The following CDYL variants were observed in gnomAD, a reference collection of about 807,000 sequenced individuals.
CDYL encodes the protein chromodomain Y-like protein.
A neutral mutation model predicts 47.3 loss-of-function variants in CDYL; 8 were observed. The observed-to-expected ratio is 0.17, with a 90% CI of 0.10 to 0.31. The LOEUF (loss-of-function observed/expected upper bound fraction) is 0.31. Among genes scored for constraint, CDYL ranks in the 10% least tolerant of loss-of-function variants. The probability of loss-of-function intolerance (pLI) is 1.00; values close to 1 mark genes in which losing one functional copy is unlikely to be tolerated. For missense variants in CDYL, 471 were observed against 701.4 expected, an observed-to-expected ratio of 0.67 and a Z score of 3.71; for synonymous variants, 266 against 265.0, an observed-to-expected ratio of 1.00 and a Z score of -0.04.
chr6:4,941,620 G>A (rs562729604), intron 4 of CDYL, among the ~76,000 whole-genome samples: 17 of 152,220 alleles, frequency 1.1e-4, no homozygotes, highest in African/African-American at 3.4e-4. Context: ...TCCAAAAAAT[G>A]CCTTCAGCCT....
At chr6:4,738,176 G>A (rs535825167) in intron 3 of CDYL, among the ~76,000 whole-genome samples, 1 of 152,230 alleles carries the variant, frequency 6.6e-6, no homozygotes, top group African/African-American at 2.4e-5. Context: ...AGGAGTTGGA[G>A]ACCAGCCTGG....
At chr6:4,773,977 T>G (rs1758377573), upstream of CDYL, among the ~76,000 whole-genome samples, 1 of 152,196 alleles carries the variant, frequency 6.6e-6, no homozygotes, top group Non-Finnish European at 1.5e-5. The surrounding 1 kb of genome is among the most constrained non-coding windows in gnomAD (Gnocchi z 4.6). Context: ...TAGCTCAATA[T>G]CTGGATATGT....
At chr6:4,871,707 T>C (rs1443841805) in intron 1 of CDYL, among the ~76,000 whole-genome samples, 1 of 152,138 alleles carries the variant, frequency 6.6e-6, no homozygotes, top group African/African-American at 2.4e-5. Flanking sequence ...TTTGGCCGTG[T>C]CCTCTCCACC....
intron 6 of CDYL, among the ~76,000 whole-genome samples, chr6:4,952,949 G>A (rs2127530787): frequency 6.6e-6 from 1 of 152,060 alleles, no homozygotes; most frequent in South Asian, 2.1e-4. Context: ...TGTATTTTCA[G>A]TAGACACGGA....
At chr6:4,924,439 C>T (rs1757806868) in intron 2 of CDYL, among the ~76,000 whole-genome samples, 1 of 152,164 alleles carries the variant, frequency 6.6e-6, no homozygotes, top group South Asian at 2.1e-4. Flanking sequence ...TTAGCAGTTT[C>T]CAGGAATTAT....
chr6:4,750,032 TAGTCTTAAAATTAATA>T (rs1757963327), intron 3 of CDYL, among the ~76,000 whole-genome samples: 1 of 152,108 alleles, frequency 6.6e-6, no homozygotes, highest in Non-Finnish European at 1.5e-5. Context: ...AACAGCTACT[TAGTCTTAAAATTAATA>T]ACTGTAAAGG....
intron 2 of CDYL, among the ~76,000 whole-genome samples, chr6:4,911,002 CT>C (rs1244400743): frequency 1.3e-5 from 2 of 151,742 alleles, no homozygotes; most frequent in South Asian, 2.1e-4. Context: ...CCCGGCTAAT[CT>C]TTTTTTTGTA....
chr6:4,948,477 C>T (rs1230462604), intron 5 of CDYL, among the ~76,000 whole-genome samples: 1 of 152,126 alleles, frequency 6.6e-6, no homozygotes, highest in African/African-American at 2.4e-5. Context: ...TTTACGCTTC[C>T]CCTGGAGATG....
intron 1 of CDYL, among the ~76,000 whole-genome samples, chr6:4,889,740 AT>A (rs1022056166): frequency 6.6e-5 from 10 of 152,162 alleles, no homozygotes; most frequent in Non-Finnish European, 2.9e-5. Context: ...AGCCTAAAAC[AT>A]TTACTCTTTG....
intron 3 of CDYL, among the ~76,000 whole-genome samples, chr6:4,768,198 T>A (rs1005666732): frequency 6.6e-6 from 1 of 152,220 alleles, no homozygotes; most frequent in African/African-American, 2.4e-5. Flanking sequence ...AATTCATCCT[T>A]TAGATTTTAG....
chr6:4,912,419 G>A (rs1757441103), intron 2 of CDYL, among the ~76,000 whole-genome samples: 2 of 152,254 alleles, frequency 1.3e-5, no homozygotes, highest in South Asian at 4.1e-4. Flanking sequence ...CTTGGGAGAG[G>A]AGTAGCACCC....
chr6:4,758,968 CTTTTTTTTT>C, intron 3 of CDYL, among the ~76,000 whole-genome samples: 1 of 131,912 alleles, frequency 7.6e-6, no homozygotes, highest in East Asian at 2.1e-4. Context: ...TTTTCTTTTT[CTTTTTTTTT>C]TTTTTTTTGA....
intron 1 of CDYL, among the ~76,000 whole-genome samples, chr6:4,888,706 G>A (rs1761962223): frequency 6.6e-6 from 1 of 152,082 alleles, no homozygotes. Flanking sequence ...AAAGGGTTAG[G>A]TTATTGATTT....
chr6:4,925,825 T>TA (rs1377985839), intron 2 of CDYL, among the ~76,000 whole-genome samples: 1 of 152,160 alleles, frequency 6.6e-6, no homozygotes, highest in Non-Finnish European at 1.5e-5. Context: ...CACTGTGCCC[T>TA]GCCTGTGGTT....
upstream of CDYL, chr6:4,775,415 C>T (rs1437528737): frequency 6.6e-6 from 1 of 152,164 alleles, no homozygotes; most frequent in African/African-American, 2.4e-5. The surrounding 1 kb of genome is among the most constrained non-coding windows in gnomAD (Gnocchi z 7.0). Context: ...GCGGGCCAGC[C>T]CTCGCTGTTC....
intron 2 of CDYL, among the ~76,000 whole-genome samples, chr6:4,903,563 T>C (rs543411643): frequency 1.0e-3 from 156 of 152,352 alleles, no homozygotes; most frequent in African/African-American, 3.7e-3. Context: ...ACCCACACGA[T>C]GCACACGGTG....
chr6:4,715,675 G>C (rs1291319934), intron 1 of CDYL: 21 of 1,448,812 alleles, frequency 1.4e-5, no homozygotes, highest in Non-Finnish European at 1.9e-5. Context: ...GTCATTAAAT[G>C]CCATGAGCCT....
intron 2 of CDYL, chr6:4,733,183 G>A (rs1431862039): frequency 2.0e-5 from 3 of 152,176 alleles, no homozygotes; most frequent in Non-Finnish European, 4.4e-5. Context: ...CCTGCCTGAT[G>A]ATGATCAAGC....
intron 1 of CDYL, among the ~76,000 whole-genome samples, chr6:4,828,940 A>G (rs1234745070): frequency 1.3e-5 from 2 of 152,162 alleles, no homozygotes; most frequent in African/African-American, 4.8e-5. Context: ...TTTCAGCTCC[A>G]GAATGTTTGC....
Sources: gnomAD v4.1 joint callset for allele counts (sites outside exome capture counted in the v4.1 genomes callset) on GRCh38, gnomAD v4.1.1 for gene constraint, Gnocchi (gnomAD v3.1) non-coding constraint, MANE v1.5 for transcripts, NCBI Gene and HGNC (gene_info 2026-07-23, HGNC 2026-07-21) for gene names.